MBOAT2: variants seen among roughly 807,000 people sequenced by gnomAD.
MBOAT2 encodes the protein membrane-bound glycerophospholipid O-acyltransferase 2.
Under a neutral mutation model 63.4 loss-of-function variants are expected in MBOAT2, and 28 were observed. The observed-to-expected ratio is 0.44, with a 90% confidence interval of 0.33 to 0.61. The LOEUF is 0.61. MBOAT2 is among the 20% of genes least tolerant of loss of function. The pLI is 0.03. For synonymous variants in MBOAT2, 211 were observed against 215.6 expected (o/e 0.98, Z 0.19); for missense variants, 470 against 605.8 (o/e 0.78, Z 2.35).
intron 4 of MBOAT2, 172 bp downstream of exon 4, chr2:8,908,449 G>A (rs1273436258): frequency 1.8e-6 from 1 of 550,046 alleles, no homozygotes; most frequent in African/African-American, 1.9e-5. Context: ...GACTTAGATA[G>A]TACTAAAAAG....
Position 8,894,383 on chromosome 2 carries a change from T to C in MBOAT2, c.396-6310A>G, listed in dbSNP as rs147444676. ...ACGGAATGTTTCCTGTAATCAAACGTAGGTCAAGGGCTGGGAGACACTCCC... is the reference window on the plus strand; with the variant it reads ...ACGGAATGTTTCCTGTAATCAAACGCAGGTCAAGGGCTGGGAGACACTCCC... On this transcript the variant is annotated intron_variant, in intron 4 of 12. Transcript: ENST00000305997. Among the ~76,000 whole-genome samples, 14 of 152,250 alleles carry C rather than the reference T, an allele frequency of 9.2e-5. No homozygotes were observed. In the East Asian group the frequency reaches 2.3e-3, roughly 25 times the overall value.
chr2:8,974,527 A>G, intron 1 of MBOAT2: 1 of 430,930 alleles, frequency 2.3e-6, no homozygotes, highest in Non-Finnish European at 4.7e-6. Context: ...CAATCCAGAA[A>G]GCATGCTATC....
intron 1 of MBOAT2, among the ~76,000 whole-genome samples, chr2:8,994,293 G>A (rs1573276236): frequency 1.3e-5 from 2 of 152,312 alleles, no homozygotes; most frequent in African/African-American, 4.8e-5. Context: ...AGTGAAAGCG[G>A]GGCATGATGG....
At position 8,858,536 on chromosome 2, in the gene MBOAT2, G is replaced by T. The variant is rs1026471933; in HGVS notation, c.*143C>A. 1 of 611,040 alleles carries T rather than the reference G, an allele frequency of 1.6e-6. No individual in the cohort carries two copies. The highest frequency in any genetic ancestry group is 2.8e-6 in the Non-Finnish European group (1 of 354,162). The allele number at this position is 611,040 out of a possible 1,614,324, so 37.9% of individuals were successfully genotyped here. A position where few individuals can be genotyped will look rare whatever the true frequency, so the allele number is the denominator to read the frequency against. ...GCTTGTTTCACTCCATTTCCAATCT[G>T]GTGTACAGGAAATTCCTTATCTATA... On this transcript the variant is annotated 3_prime_UTR_variant, in exon 13 of 13. Transcript: ENST00000305997.
intron 2 of MBOAT2, among the ~76,000 whole-genome samples, chr2:8,948,899 C>T: frequency 6.6e-6 from 1 of 152,178 alleles, no homozygotes; most frequent in East Asian, 1.9e-4. Context: ...GTTTCAAGTT[C>T]TTTAAGAAAT....
At chr2:8,968,552 A>G (rs1417794276) in intron 1 of MBOAT2, among the ~76,000 whole-genome samples, 1 of 152,256 alleles carries the variant, frequency 6.6e-6, no homozygotes, top group Admixed American at 6.5e-5. Context: ...GAGTTGAGAG[A>G]AGAAGGCTTC....
Position 8,975,664 on chromosome 2 carries a change from C to T in MBOAT2, c.76-17022G>A, listed in dbSNP as rs1303458153. Among the ~76,000 whole-genome samples the T allele has an allele frequency of 2.6e-5, 4 of 152,064 alleles. No homozygotes were observed. In the East Asian group the frequency reaches 5.8e-4, roughly 22 times the overall value. On this transcript the variant is annotated intron_variant, in intron 1 of 12. Coordinates refer to ENST00000305997, the MANE Select transcript of MBOAT2 (RefSeq NM_138799.4). The stretch of plus-strand genomic sequence containing the variant: ...ACAAATGTAAAATAAATACATGAAG[C>T]GTAAGGACACATTCTATCAACATTC...
chr2:8,893,878 A>T (rs1022440896), intron 4 of MBOAT2, among the ~76,000 whole-genome samples: 1 of 152,182 alleles, frequency 6.6e-6, no homozygotes, highest in South Asian at 2.1e-4. Flanking sequence ...CTGAAGAAGA[A>T]AGAACAGGTG....
intron 1 of MBOAT2, among the ~76,000 whole-genome samples, chr2:8,996,351 CA>C (rs1672303104): frequency 7.0e-6 from 1 of 142,030 alleles, no homozygotes. Flanking sequence ...AGGAGTCTGA[CA>C]ACAGGTTTTT....
Position 8,945,716 on chromosome 2 carries a change from G to C in MBOAT2, c.222-2452C>G, listed in dbSNP as rs180731315. Among the ~76,000 whole-genome samples the C allele has an allele frequency of 2.6e-5, 4 of 152,152 alleles. No individual in the cohort carries two copies. The East Asian group carries it at 7.7e-4, about 29-fold the overall frequency. ...TCATCTTTTAAGCTACCTAAAAAGT[G>C]CTTTGAAAATGAAACAATGCTTTGT... On this transcript the variant is annotated intron_variant, in intron 2 of 12. Coordinates refer to ENST00000305997, the MANE Select transcript of MBOAT2 (RefSeq NM_138799.4).
intron 1 of MBOAT2, among the ~76,000 whole-genome samples, chr2:8,959,218 C>T (rs550166698): frequency 3.9e-5 from 6 of 152,268 alleles, no homozygotes; most frequent in African/African-American, 1.4e-4. Flanking sequence ...CAAGGATTGG[C>T]TCCCAAGGGG....
chr2:8,963,132 G>A (rs1462416567), intron 1 of MBOAT2, among the ~76,000 whole-genome samples: 1 of 151,876 alleles, frequency 6.6e-6, no homozygotes, highest in Non-Finnish European at 1.5e-5. Flanking sequence ...CCAGCTACTG[G>A]GGAGGTGAGG....
chr2:8,918,553 T>A (rs1380606799), intron 3 of MBOAT2, among the ~76,000 whole-genome samples: 1 of 152,168 alleles, frequency 6.6e-6, no homozygotes, highest in Non-Finnish European at 1.5e-5. Context: ...TCTGTTTGTT[T>A]AATAAAAAGA....
intron 4 of MBOAT2, among the ~76,000 whole-genome samples, chr2:8,894,141 C>G (rs1308270610): frequency 6.6e-6 from 1 of 152,168 alleles, no homozygotes; most frequent in Non-Finnish European, 1.5e-5. Context: ...TGATATTCCC[C>G]TCCCTGTGTC....
At chr2:8,970,304 G>C (rs1670354215) in intron 1 of MBOAT2, among the ~76,000 whole-genome samples, 2 of 152,196 alleles carry the variant, frequency 1.3e-5, no homozygotes, top group Admixed American at 6.5e-5. Context: ...CAGAAATAAA[G>C]ATGTTCTTTG....
intron 2 of MBOAT2, 100 bp from the exon 3 acceptor site, chr2:8,943,364 C>T: frequency 1.7e-6 from 1 of 605,610 alleles, no homozygotes; most frequent in Admixed American, 3.3e-5. Flanking sequence ...ACACAGTATT[C>T]CCAGAAAAAA....
chr2:8,965,670 C>T (rs190240984), intron 1 of MBOAT2, among the ~76,000 whole-genome samples: 1 of 152,080 alleles, frequency 6.6e-6, no homozygotes, highest in African/African-American at 2.4e-5. Flanking sequence ...TACTAGAACA[C>T]GAGAAAGGAG....
At chr2:8,980,281 C>A (rs750972360) in intron 1 of MBOAT2, among the ~76,000 whole-genome samples, 1 of 152,254 alleles carries the variant, frequency 6.6e-6, no homozygotes, top group Non-Finnish European at 1.5e-5. Context: ...CAGGAATGCA[C>A]CTACCACATC....
intron 7 of MBOAT2, among the ~76,000 whole-genome samples, chr2:8,875,859 A>G (rs1158312068): frequency 6.6e-6 from 1 of 152,252 alleles, no homozygotes; most frequent in African/African-American, 2.4e-5. Flanking sequence ...AGAAAATATG[A>G]AGACAAAACA....
Sources: allele counts gnomAD v4.1 joint callset (sites outside exome capture counted in the v4.1 genomes callset), GRCh38; gene constraint gnomAD v4.1.1; transcripts MANE v1.5; gene names NCBI Gene and HGNC (gene_info 2026-07-23, HGNC 2026-07-21).